Variants in OPCML observed in about 807,000 individuals in gnomAD.
The protein encoded by OPCML is opioid-binding protein/cell adhesion molecule.
In OPCML, 13 loss-of-function variants were observed where a neutral mutation model predicts 37.8. That is an observed-to-expected ratio of 0.34 (90% CI 0.22 to 0.55). The LOEUF is 0.55. Among genes scored for constraint, OPCML ranks in the 20% least tolerant of loss-of-function variants. The pLI, the probability that OPCML is intolerant of heterozygous loss-of-function variation, is 0.91. For missense variants in OPCML, 341 were observed against 435.6 expected (o/e 0.78, Z 1.93); for synonymous variants, 176 against 168.8 (o/e 1.04, Z -0.33).
At chr11:133,357,463 C>T (rs1318947808) in intron 1 of OPCML, among the ~76,000 whole-genome samples, 4 of 152,214 alleles carry the variant, frequency 2.6e-5, no homozygotes, top group African/African-American at 9.6e-5. Context: ...AAACGTTTAT[C>T]TGCAGCAGTT....
intron 4 of OPCML, among the ~76,000 whole-genome samples, chr11:132,458,158 G>C (rs1405408940): frequency 6.6e-6 from 1 of 152,092 alleles, no homozygotes; most frequent in Non-Finnish European, 1.5e-5. Context: ...ATGTAGGGGT[G>C]GTGGGAGAAA....
At chr11:133,098,279 G>A (rs1468747466) in intron 1 of OPCML, among the ~76,000 whole-genome samples, 11 of 147,704 alleles carry the variant, frequency 7.4e-5, no homozygotes, top group African/African-American at 1.3e-4. Flanking sequence ...GCAGTGGCAC[G>A]ATCTTGGCTC....
At chr11:132,756,093 A>T (rs1415745659) in intron 2 of OPCML, among the ~76,000 whole-genome samples, 1 of 152,230 alleles carries the variant, frequency 6.6e-6, no homozygotes, top group African/African-American at 2.4e-5. Context: ...AACTCAACTC[A>T]TGACCTCCTG....
At chr11:133,420,497 T>G (rs878864297) in intron 1 of OPCML, 8 of 984,644 alleles carry the variant, frequency 8.1e-6, no homozygotes, top group Admixed American at 6.1e-5. Context: ...TTTATTTTTT[T>G]TCTGGCCTCA....
chr11:132,480,064 T>C (rs1490870975), intron 4 of OPCML, among the ~76,000 whole-genome samples: 1 of 152,054 alleles, frequency 6.6e-6, no homozygotes, highest in Non-Finnish European at 1.5e-5. Context: ...GACGATCAAA[T>C]TACTCTGAGC....
chr11:132,742,736 A>AAT (rs781219895), intron 2 of OPCML, among the ~76,000 whole-genome samples: 54 of 148,354 alleles, frequency 3.6e-4, no homozygotes, highest in African/African-American at 1.2e-3. Context: ...GTATAATAAA[A>AAT]ATATATATAT....
intron 2 of OPCML, chr11:132,772,445 G>T (rs1055570981): frequency 1.3e-5 from 2 of 152,248 alleles, no homozygotes; most frequent in African/African-American, 4.8e-5. Context: ...CAGGATCCTG[G>T]TGGAAACAGC....
rs891710 is a variant in OPCML at position 133,215,465 on chromosome 11, A to G, written c.62-272455T>C. ...AAGGCACATCAAAAGTCATTTGCCC[A>G]ATTTCTCTTCACTGATACCAGTTCG... On this transcript the variant is annotated intron_variant, in intron 1 of 7. Transcript: ENST00000524381. 8.0e-3 allele frequency among the ~76,000 whole-genome samples: 1,212 copies of G among 152,284 alleles called. 32 individuals are homozygous for G. Among genetic ancestry groups the G allele is most frequent in the East Asian group, 0.072 (370 of 5,170 alleles).
rs930119822 is a variant in OPCML, at chr11:133,173,722, C to T, written c.62-230712G>A. On this transcript the variant is annotated intron_variant, in intron 1 of 7. Coordinates refer to ENST00000524381, the MANE Select transcript of OPCML (RefSeq NM_001012393.5). This position sits in a 1 kb window ranked among gnomAD's most constrained non-coding sequence, Gnocchi z 7.8. The stretch of plus-strand genomic sequence containing the variant: ...CACCGACTTAGCTTCAATCCTGTGG[C>T]AGTTTAAGAATCTCTAAGAATGCAT... Among the ~76,000 whole-genome samples the T allele has an allele frequency of 2.6e-5, 4 of 152,180 alleles. No individual in the cohort carries two copies. Among genetic ancestry groups the T allele is most frequent in the Admixed American group, 6.5e-5 (1 of 15,278 alleles).
At chr11:132,532,747 G>C (rs2096329329) in intron 3 of OPCML, among the ~76,000 whole-genome samples, 2 of 152,098 alleles carry the variant, frequency 1.3e-5, no homozygotes, top group African/African-American at 4.8e-5. Flanking sequence ...ATTCAAGTCA[G>C]CGCCCCTTGC....
chr11:132,725,084 G>T lies in OPCML; in HGVS notation c.147-67765C>A, dbSNP rs540352219. 1.1e-4 allele frequency among the ~76,000 whole-genome samples: 17 copies of T among 152,312 alleles called. No individual in the cohort carries two copies. The South Asian group carries it at 3.3e-3, about 30-fold the overall frequency. ...GGCCCTATTCTCACAGGTCCATGAG[G>T]CAGTGCCCCAGTAGGGACTCTGTGT... On this transcript the variant is annotated intron_variant, in intron 2 of 7. Transcript: ENST00000524381.
At position 132,942,956 on chromosome 11, in the gene OPCML, G is replaced by A. The variant is rs749718972; in HGVS notation, c.116C>T (p.Thr39Met). 3 of 1,614,098 alleles carry A rather than the reference G, an allele frequency of 1.9e-6. No homozygotes were observed. The highest frequency in any genetic ancestry group is 1.1e-5 in the South Asian group (1 of 91,080). ...GGTGGCGCTCTCCCCCTGCCGGACCGTCACGTTGTCCATAGCTTTGGGGAA... is the reference window on the plus strand; with the variant it reads ...GGTGGCGCTCTCCCCCTGCCGGACCATCACGTTGTCCATAGCTTTGGGGAA... ...ATFPKAMDNV[T>M]VRQGESATLR... The change falls in exon 2 of 8, where the codon ACG (threonine) becomes ATG (methionine). Residue 39 changes from threonine (T) to methionine (M), a missense_variant. Thr to Met is a moderately conservative substitution (Grantham distance 81). Coordinates refer to ENST00000524381, the MANE Select transcript of OPCML (RefSeq NM_001012393.5).
rs535940197 is a variant in OPCML at position 132,713,208 on chromosome 11, G to A, written c.147-55889C>T. Among the ~76,000 whole-genome samples the A allele has an allele frequency of 5.1e-4, 77 of 152,238 alleles. No individual in the cohort carries two copies. The South Asian group carries it at 0.016, about 31-fold the overall frequency. On this transcript the variant is annotated intron_variant, in intron 2 of 7. Transcript: ENST00000524381. Reference sequence around the variant, plus strand: ...TGAAATTATAATGACACGACGCTTCGTAATTCATCACGTGCTTTATTTGCC... The same window carrying A: ...TGAAATTATAATGACACGACGCTTCATAATTCATCACGTGCTTTATTTGCC...
chr11:132,752,618 C>T (rs1157273391), intron 2 of OPCML, among the ~76,000 whole-genome samples: 1 of 151,788 alleles, frequency 6.6e-6, no homozygotes, highest in Non-Finnish European at 1.5e-5. Context: ...TGTTAGCATG[C>T]CATCCAAATC....
At chr11:132,537,186 C>T (rs1375845630) in intron 3 of OPCML, among the ~76,000 whole-genome samples, 2 of 152,170 alleles carry the variant, frequency 1.3e-5, no homozygotes, top group African/African-American at 2.4e-5. Flanking sequence ...TCCTTTAATT[C>T]CCAACACATT....
chr11:133,147,450 C>T (rs749555526), intron 1 of OPCML, among the ~76,000 whole-genome samples: 5 of 152,064 alleles, frequency 3.3e-5, no homozygotes, highest in African/African-American at 9.7e-5. Flanking sequence ...AAGCCCTACC[C>T]GCTTCAAAAC....
chr11:132,480,222 G>T (rs575175157), intron 4 of OPCML, among the ~76,000 whole-genome samples: 1 of 152,310 alleles, frequency 6.6e-6, no homozygotes, highest in South Asian at 2.1e-4. Flanking sequence ...CATGAAGAAT[G>T]CAGAAGCCTC....
intron 1 of OPCML, among the ~76,000 whole-genome samples, chr11:133,227,183 G>A (rs1470804851): frequency 1.3e-5 from 2 of 152,116 alleles, no homozygotes; most frequent in Non-Finnish European, 2.9e-5. Context: ...TGTGAACTCC[G>A]AGGATGGCGC....
intron 1 of OPCML, among the ~76,000 whole-genome samples, chr11:132,991,081 C>G (rs1014783345): frequency 6.6e-6 from 1 of 152,150 alleles, no homozygotes; most frequent in Non-Finnish European, 1.5e-5. Flanking sequence ...ATGTACTGCC[C>G]ATAGGATTGC....
Sources: gnomAD v4.1 joint callset for allele counts (sites outside exome capture counted in the v4.1 genomes callset) on GRCh38, gnomAD v4.1.1 for gene constraint, Gnocchi (gnomAD v3.1) non-coding constraint, MANE v1.5 for transcripts, NCBI Gene and HGNC (gene_info 2026-07-23, HGNC 2026-07-21) for gene names.